The following TMC6 variants were observed in gnomAD, a reference collection of about 807,000 sequenced individuals.
The protein encoded by TMC6 is transmembrane channel like 6, also known as transmembrane channel-like protein 6.
TMC6 carries 71 observed loss-of-function variants against 95.4 expected under a neutral mutation model. The ratio of observed to expected loss-of-function variants is 0.74; its 90% CI spans 0.61 to 0.91. The LOEUF is 0.91. Among genes scored for constraint, TMC6 ranks in the 40% least tolerant of loss-of-function variants. TMC6 has a pLI of 0.00. For missense variants in TMC6, 1,074 were observed against 1,079.1 expected (o/e 1.00, Z 0.07); for synonymous variants, 514 against 483.1 (o/e 1.06, Z -0.84).
chr17:78,116,892 T>C (rs2074145647), intron 18 of TMC6, among the ~76,000 whole-genome samples: 1 of 151,660 alleles, frequency 6.6e-6, no homozygotes, highest in African/African-American at 2.4e-5. Flanking sequence ...AAAAAAAAAG[T>C]TTTAAGTCCT....
intron 4 of TMC6, 35 bp downstream of exon 4, chr17:78,126,242 C>T (rs1334538268): frequency 6.5e-7 from 1 of 1,541,548 alleles, no homozygotes; most frequent in Non-Finnish European, 8.7e-7. Flanking sequence ...CAACTCGGGG[C>T]CGGGGCCGAG....
chr17:78,113,330 G>T, intron 19 of TMC6, 119 bp from the exon 20 acceptor site: 1 of 1,306,660 alleles, frequency 7.7e-7, no homozygotes, highest in Non-Finnish European at 1.1e-6. Context: ...TTTCTCCTGA[G>T]ATGTATTTTA....
intron 8 of TMC6, 149 bp downstream of exon 8, chr17:78,124,375 A>AG: frequency 4.3e-6 from 6 of 1,391,362 alleles, no homozygotes; most frequent in Non-Finnish European, 5.9e-6. Flanking sequence ...AGGGTCATTG[A>AG]GGGGGAGGCG....
chr17:78,112,887 T>C lies in TMC6; in HGVS notation c.*261A>G, dbSNP rs1161634318. 1.9e-6 allele frequency: 1 copy of C among 523,630 alleles called. No homozygotes were observed. The highest frequency in any genetic ancestry group is 3.4e-6 in the Non-Finnish European group (1 of 296,028). 32.4% of individuals were successfully genotyped at this position (523,630 alleles called of 1,614,324 possible). A position where few individuals can be genotyped will look rare whatever the true frequency, so the allele number is the denominator to read the frequency against. ...GGCAGCGGGAAGCAGGCCCCGGGTG[T>C]GGTCACAGACACAGAGCCCCAAGGG... On this transcript the variant is annotated 3_prime_UTR_variant, in exon 20 of 20. Transcript: ENST00000590602.
rs200579060 is a variant in TMC6, at chr17:78,125,791, C to A, written c.365G>T (p.Arg122Leu). ...CAGGCGGAGGCTGGGCCAGGCGGAG[C>A]GGACAAAGTTCCCGAGCAGGGGCCG... ...SSRPLLGNFV[R>L]SAWPSLRLYD... The change falls in exon 5 of 20, where the codon CGC (arginine) becomes CTC (leucine). Residue 122 changes from arginine to leucine, a missense_variant. Transcript: ENST00000590602. 1.9e-6 allele frequency: 3 copies of A among 1,561,574 alleles called. No homozygotes were observed. The highest frequency in any genetic ancestry group is 2.7e-5 in the African/African-American group (2 of 73,508).
Position 78,126,259 on chromosome 17 carries a change from G to A in TMC6, c.271+18C>T, listed in dbSNP as rs753479353. 2 of 1,548,000 alleles carry A rather than the reference G, an allele frequency of 1.3e-6. No individual in the cohort carries two copies. Among genetic ancestry groups the A allele is most frequent in the African/African-American group, 1.4e-5 (1 of 73,288 alleles). ...ACTCGGGGCCGGGGCCGAGGCCGAG[G>A]CTGAGGGTCCCACTCACCAATGGTG... On this transcript the variant is annotated intron_variant, in intron 4 of 19. Transcript: ENST00000590602.
chr17:78,117,521 G>A lies in TMC6; in HGVS notation c.2145C>T (p.His715=), dbSNP rs1265925356. The A allele has an allele frequency of 6.2e-7, 1 of 1,605,610 alleles. No individual in the cohort carries two copies. Among genetic ancestry groups the A allele is most frequent in the East Asian group, 2.2e-5 (1 of 44,550 alleles). ...GPRVSWLPWV[H]RYLMENTFFV... is the part of the protein sequence containing the mutation. ...AGAAGGTGTTTTCCATCAGGTACCG[G>A]TGCACCCAGGGCAGCCAGGAGACCC... The change falls in exon 17 of 20, where the codon CAC becomes CAT. Residue 715 remains histidine (H), a synonymous_variant. Coordinates refer to ENST00000590602, the MANE Select transcript of TMC6 (RefSeq NM_001127198.5).
rs767068751 is a variant in TMC6, at chr17:78,123,980, A to C, written c.1082+9T>G. 6.2e-7 allele frequency: 1 copy of C among 1,613,698 alleles called. No homozygotes were observed. Among genetic ancestry groups the C allele is most frequent in the Non-Finnish European group, 8.5e-7 (1 of 1,179,926 alleles). On this transcript the variant is annotated intron_variant, in intron 9 of 19. Transcript: ENST00000590602. Reference sequence around the variant, plus strand: ...GCTCGGAGCCTGGGTCATGAGGTGGAGGCATTACCTGTACACCAGGGTGAT... The same window carrying C: ...GCTCGGAGCCTGGGTCATGAGGTGGCGGCATTACCTGTACACCAGGGTGAT...
chr17:78,119,533 A>T, intron 13 of TMC6, 141 bp from the exon 14 acceptor site: 1 of 867,202 alleles, frequency 1.2e-6, no homozygotes, highest in Non-Finnish European at 1.9e-6. Flanking sequence ...AGAGACAGCC[A>T]CCAGCCTGGG....
At chr17:78,131,613 T>C (rs779748966), upstream of TMC6, 120 of 1,549,174 alleles carry the variant, frequency 7.7e-5, no homozygotes, top group Non-Finnish European at 9.7e-5. Flanking sequence ...GTCGGTGTCA[T>C]CGGAGCGGGC....
rs2074459987 is a variant in TMC6, at chr17:78,122,422, A to G, written c.1227+183T>C. On this transcript the variant is annotated intron_variant, in intron 10 of 19. Transcript: ENST00000590602. The surrounding 1 kb of genome is among the most constrained non-coding windows in gnomAD (Gnocchi z 4.9). ...CCTAACTGATGGGTGTGTGCCAGAG[A>G]AAAACTCAGGGCCTGCCCGTCACTG... 5 of 886,214 alleles carry G rather than the reference A, an allele frequency of 5.6e-6. No individual in the cohort carries two copies. 54.9% of individuals were successfully genotyped at this position (886,214 alleles called of 1,614,324 possible).
At position 78,126,849 on chromosome 17, in the gene TMC6, C is replaced by T. The variant is rs745472641; in HGVS notation, c.-17G>A. ...CTGGGCCATGTCTCTGGCCAATGCCCGCTAGTCTGCAGACCTAGGGTAGCT... is the reference window on the plus strand; with the variant it reads ...CTGGGCCATGTCTCTGGCCAATGCCTGCTAGTCTGCAGACCTAGGGTAGCT... On this transcript the variant is annotated 5_prime_UTR_variant, in exon 2 of 20. Coordinates refer to ENST00000590602, the MANE Select transcript of TMC6 (RefSeq NM_001127198.5). 71 of 1,611,216 alleles carry T rather than the reference C, an allele frequency of 4.4e-5. No homozygotes were observed. In the Admixed American group the frequency reaches 1.0e-3, roughly 23 times the overall value.
intron 9 of TMC6, 66 bp downstream of exon 9, chr17:78,123,923 T>C (rs2074559823): frequency 1.3e-6 from 2 of 1,584,860 alleles, no homozygotes; most frequent in Non-Finnish European, 1.7e-6. Flanking sequence ...AATCAATGAA[T>C]GGGTCGAAAG....
chr17:78,127,599 T>C (rs1185183543), intron 1 of TMC6, among the ~76,000 whole-genome samples: 2 of 152,216 alleles, frequency 1.3e-5, no homozygotes, highest in Non-Finnish European at 2.9e-5. Flanking sequence ...CAGCCTTGTC[T>C]GGGGCCCTGG....
chr17:78,129,701 G>A (rs2074910010), upstream of TMC6, among the ~76,000 whole-genome samples: 1 of 152,310 alleles, frequency 6.6e-6, no homozygotes, highest in African/African-American at 2.4e-5. This position sits in a 1 kb window ranked among gnomAD's most constrained non-coding sequence, Gnocchi z 4.3. Context: ...GTGGTCCTCA[G>A]ATGGCTACCC....
Position 78,120,837 on chromosome 17 carries a change from G to A in TMC6, c.1536-5C>T, listed in dbSNP as rs201780305. ...GCCAGCTTGAGGATGAGGTTCCTGCGGAGGGCGGGGTGCAAAGGCTGAGGG... is the reference window on the plus strand; with the variant it reads ...GCCAGCTTGAGGATGAGGTTCCTGCAGAGGGCGGGGTGCAAAGGCTGAGGG... On this transcript the variant is annotated splice_region_variant and splice_polypyrimidine_tract_variant and intron_variant, in intron 12 of 19. Coordinates refer to ENST00000590602, the MANE Select transcript of TMC6 (RefSeq NM_001127198.5). 508 of 1,611,840 alleles carry A rather than the reference G, an allele frequency of 3.2e-4. 3 individuals are homozygous for A. The highest frequency in any genetic ancestry group is 3.3e-4 in the East Asian group (15 of 44,866).
At chr17:78,120,929 C>T (rs1445040898) in intron 12 of TMC6, 84 bp downstream of exon 12, 3 of 1,612,244 alleles carry the variant, frequency 1.9e-6, no homozygotes, top group Admixed American at 1.7e-5. Flanking sequence ...CCGGCCTCAT[C>T]CTAAGTAGGT....
rs2074176848 is a variant in TMC6 at position 78,117,364 on chromosome 17, G to T, written c.2199-17C>A. The stretch of plus-strand genomic sequence containing the variant: ...ATCACGGCCCTGCGGGAGAGGGGCT[G>T]TCGGGCAGGGCCCAGGGCCACAGCC... On this transcript the variant is annotated splice_polypyrimidine_tract_variant and intron_variant, in intron 17 of 19. Transcript: ENST00000590602. The T allele has an allele frequency of 6.2e-7, 1 of 1,612,870 alleles. No homozygotes were observed. The highest frequency in any genetic ancestry group is 1.3e-5 in the African/African-American group (1 of 74,904).
At chr17:78,118,076 T>G in intron 15 of TMC6, 141 bp from the exon 16 acceptor site, 1 of 1,425,780 alleles carries the variant, frequency 7.0e-7, no homozygotes, top group Non-Finnish European at 9.4e-7. Context: ...GCCTCCTCAT[T>G]TACAGAGGAA....
Sources: gnomAD v4.1 joint callset for allele counts (sites outside exome capture counted in the v4.1 genomes callset) on GRCh38, gnomAD v4.1.1 for gene constraint, Gnocchi (gnomAD v3.1) non-coding constraint, MANE v1.5 for transcripts, NCBI Gene and HGNC (gene_info 2026-07-23, HGNC 2026-07-21) for gene names.